The following PRRC2B variants were observed in gnomAD, a reference collection of about 807,000 sequenced individuals.
PRRC2B encodes the protein proline rich coiled-coil 2B.
A neutral mutation model predicts 242.3 loss-of-function variants in PRRC2B; 68 were observed. That is an observed-to-expected ratio of 0.28 (90% confidence interval 0.23 to 0.34). The LOEUF (loss-of-function observed/expected upper bound fraction) is 0.34, where lower values mean the gene tolerates loss of function less well. Ranked by LOEUF, PRRC2B falls within the 10% of genes least tolerant of loss-of-function variation. The pLI is 1.00. For synonymous variants in PRRC2B, 1,228 were observed against 1,173.6 expected (o/e 1.05, Z -0.95); for missense variants, 2,835 against 2,954.8 (o/e 0.96, Z 0.94).
intron 10 of PRRC2B, 118 bp downstream of exon 10, chr9:131,455,284 CTTTGT>C: frequency 1.4e-6 from 1 of 723,986 alleles, no homozygotes; most frequent in Non-Finnish European, 2.3e-6. Context: ...GCTGTTTCCA[CTTTGT>C]TTTGAGGGTG....
At chr9:131,397,316 C>T (rs908891968) in intron 1 of PRRC2B, among the ~76,000 whole-genome samples, 7 of 152,232 alleles carry the variant, frequency 4.6e-5, no homozygotes, top group African/African-American at 1.4e-4. Context: ...CAGTGGCCGT[C>T]TCCAGCCTCC....
At chr9:131,417,161 T>C (rs1328177774) in intron 1 of PRRC2B, among the ~76,000 whole-genome samples, 1 of 152,102 alleles carries the variant, frequency 6.6e-6, no homozygotes, top group African/African-American at 2.4e-5. Flanking sequence ...TTTCTTTCTC[T>C]GGGGCTGGTT....
intron 1 of PRRC2B, among the ~76,000 whole-genome samples, chr9:131,424,923 G>A (rs931533338): frequency 2.6e-5 from 4 of 152,140 alleles, no homozygotes; most frequent in African/African-American, 4.8e-5. Context: ...CTGACATCTC[G>A]TAAACACAAT....
intron 11 of PRRC2B, among the ~76,000 whole-genome samples, chr9:131,463,814 G>T (rs1943312629): frequency 6.6e-6 from 1 of 151,760 alleles, no homozygotes; most frequent in Non-Finnish European, 1.5e-5. Flanking sequence ...GGGCTGGGGG[G>T]TAAATACGGG....
At chr9:131,486,328 C>T (rs1055261729) in intron 26 of PRRC2B, 146 bp downstream of exon 26, 30 of 841,342 alleles carry the variant, frequency 3.6e-5, no homozygotes, top group Non-Finnish European at 4.5e-5. Flanking sequence ...CCCGCCACGG[C>T]AGCCAGGAGG....
Position 131,476,122 on chromosome 9 carries a change from G to T in PRRC2B, c.3993G>T (p.Glu1331Asp). ...TGGGCCTGTGGGGACCCGAGGAGGAGCCCCACCTGCTGGCAGGTCAGTGGC... is the reference window on the plus strand; with the variant it reads ...TGGGCCTGTGGGGACCCGAGGAGGATCCCCACCTGCTGGCAGGTCAGTGGC... ...ESLGLWGPEE[E>D]PHLLAGQWPG... Residue 1331 changes from glutamate to aspartate, a missense_variant, in exon 16 of 32, where the codon GAG becomes GAT. By Grantham distance (45) the Glu-to-Asp change is conservative (BLOSUM62 2). Around this residue, in one of 7 missense-constraint regions of PRRC2B, gnomAD observed 1,536 missense variants for 1,483.1 expected, o/e 1.04. Transcript: ENST00000683519. 1 of 1,610,230 alleles carries T rather than the reference G, an allele frequency of 6.2e-7. No individual in the cohort carries two copies. Among genetic ancestry groups the T allele is most frequent in the Non-Finnish European group, 8.5e-7 (1 of 1,177,592 alleles).
intron 5 of PRRC2B, among the ~76,000 whole-genome samples, chr9:131,441,649 A>G (rs1238447948): frequency 6.6e-6 from 1 of 152,226 alleles, no homozygotes; most frequent in Non-Finnish European, 1.5e-5. Context: ...CTCTCGTGCT[A>G]GAGTCATGCA....
chr9:131,409,020 CT>C (rs1209001135), intron 1 of PRRC2B, among the ~76,000 whole-genome samples: 6,738 of 129,104 alleles, frequency 0.052, 207 homozygotes, highest in Admixed American at 0.12. Context: ...CGCTCAGCCA[CT>C]TTTTTTTTTT....
chr9:131,459,830 T>C (rs1333605717), intron 11 of PRRC2B, among the ~76,000 whole-genome samples: 3 of 152,090 alleles, frequency 2.0e-5, no homozygotes, highest in Non-Finnish European at 4.4e-5. Context: ...TGAGGCACTG[T>C]ATTTGTCTTC....
intron 16 of PRRC2B, among the ~76,000 whole-genome samples, chr9:131,477,151 T>C (rs535483498): frequency 6.6e-6 from 1 of 152,242 alleles, no homozygotes; most frequent in Middle Eastern, 3.4e-3. Flanking sequence ...CCCTGCACAG[T>C]CTGGGTTGAC....
At chr9:131,388,359 GCCT>G (rs1836853511) in intron 1 of PRRC2B, among the ~76,000 whole-genome samples, 1 of 141,212 alleles carries the variant, frequency 7.1e-6, no homozygotes, top group Non-Finnish European at 1.5e-5. Flanking sequence ...TCCTGCCTCA[GCCT>G]CCCGAGTAGC....
At chr9:131,395,567 A>T (rs1255377481) in intron 1 of PRRC2B, among the ~76,000 whole-genome samples, 1 of 152,146 alleles carries the variant, frequency 6.6e-6, no homozygotes, top group Non-Finnish European at 1.5e-5. Flanking sequence ...GGCAGCGGTG[A>T]AGGGCCTAGC....
At position 131,482,766 on chromosome 9, in the gene PRRC2B, C is replaced by A; in HGVS notation, c.5232C>A (p.Asn1744Lys). The A allele has an allele frequency of 6.2e-7, 1 of 1,611,978 alleles. No homozygotes were observed. Among genetic ancestry groups the A allele is most frequent in the Non-Finnish European group, 8.5e-7 (1 of 1,178,958 alleles). ...SKEHRPGPIG[N>K]ERSLKNRKGS... ...AGCACAGACCAGGACCCATCGGCAA[C>A]GAGCGTTCTCTGAAAAACAGAAAGG... Residue 1744 changes from asparagine to lysine, a missense_variant, in exon 22 of 32, where the codon AAC becomes AAA. Asn to Lys is a moderately conservative substitution (Grantham distance 94). Transcript: ENST00000683519. This position sits in a 1 kb window ranked among gnomAD's most constrained non-coding sequence, Gnocchi z 5.2.
chr9:131,483,571 A>C, intron 23 of PRRC2B, 126 bp downstream of exon 23: 1 of 815,732 alleles, frequency 1.2e-6, no homozygotes, highest in Non-Finnish European at 2.1e-6. Flanking sequence ...TAGCAGCTCC[A>C]TGTCCTTAAA....
At chr9:131,491,688 A>G (rs2131484358) in intron 29 of PRRC2B, 108 bp downstream of exon 29, 1 of 1,089,062 alleles carries the variant, frequency 9.2e-7, no homozygotes, top group African/African-American at 1.6e-5. Flanking sequence ...GTGGCGTGGG[A>G]CTGCCAGGGC....
chr9:131,460,827 A>C lies in PRRC2B; in HGVS notation c.1404+1471A>C, dbSNP rs75047459. ...CTTGTCCTGGGTCCGCCCTTTCTCC[A>C]TGAAGTCCTAGTTCCTCTTAGTGAA... On this transcript the variant is annotated intron_variant, in intron 11 of 31. Coordinates refer to ENST00000683519, the MANE Select transcript of PRRC2B (RefSeq NM_013318.4). Among the ~76,000 whole-genome samples, 383 of 151,980 alleles carry C rather than the reference A, an allele frequency of 2.5e-3. 8 individuals carry two copies. The East Asian group carries it at 0.061, about 24-fold the overall frequency.
intron 14 of PRRC2B, among the ~76,000 whole-genome samples, chr9:131,472,463 C>G (rs2131440361): frequency 6.7e-6 from 1 of 148,794 alleles, no homozygotes; most frequent in South Asian, 2.1e-4. Context: ...CACCACCACG[C>G]CCAGCTAATT....
chr9:131,423,199 C>T (rs1382137653), intron 1 of PRRC2B, among the ~76,000 whole-genome samples: 3 of 152,144 alleles, frequency 2.0e-5, no homozygotes, highest in Non-Finnish European at 2.9e-5. Flanking sequence ...TGCTAACCTG[C>T]GAGGACTTGG....
In PRRC2B at chr9:131,482,799, G is replaced by A; in HGVS notation, c.5265G>A (p.Glu1755=). 1 of 1,610,850 alleles carries A rather than the reference G, an allele frequency of 6.2e-7. No homozygotes were observed. Among genetic ancestry groups the A allele is most frequent in the Non-Finnish European group, 8.5e-7 (1 of 1,178,464 alleles). ...ERSLKNRKGS[E]GAERLQGAVV... ...CTCTGAAAAACAGAAAGGGCTCGGAGGGGGCCGAGCGGCTGCAAGGGGCTG... is the reference window on the plus strand; with the variant it reads ...CTCTGAAAAACAGAAAGGGCTCGGAAGGGGCCGAGCGGCTGCAAGGGGCTG... Residue 1755 remains glutamate (E), a synonymous_variant, in exon 22 of 32, where the codon GAG becomes GAA. Coordinates refer to ENST00000683519, the MANE Select transcript of PRRC2B (RefSeq NM_013318.4). This position sits in a 1 kb window ranked among gnomAD's most constrained non-coding sequence, Gnocchi z 5.2.
Sources: gnomAD v4.1 joint callset for allele counts (sites outside exome capture counted in the v4.1 genomes callset) on GRCh38, gnomAD v4.1.1 for gene constraint, gnomAD v4.1.1 regional missense constraint, Gnocchi (gnomAD v3.1) non-coding constraint, MANE v1.5 for transcripts, NCBI Gene and HGNC (gene_info 2026-07-23, HGNC 2026-07-21) for gene names.